GALNTL6: variants seen among roughly 807,000 people sequenced by gnomAD.
GALNTL6 encodes polypeptide N-acetylgalactosaminyltransferase-like 6.
A neutral mutation model predicts 73.7 loss-of-function variants in GALNTL6; 46 were observed. The ratio of observed to expected loss-of-function variants is 0.62; its 90% CI spans 0.49 to 0.80. GALNTL6 has a LOEUF of 0.80. Ranked by LOEUF, GALNTL6 falls within the 30% of genes least tolerant of loss-of-function variation. The pLI is 0.00. For missense variants in GALNTL6, 604 were observed against 755.0 expected (o/e 0.80, Z 2.34); for synonymous variants, 259 against 263.7 (o/e 0.98, Z 0.17).
intron 5 of GALNTL6, among the ~76,000 whole-genome samples, chr4:172,357,662 C>CACACAT (rs1742210980): frequency 2.9e-5 from 1 of 33,902 alleles, no homozygotes; most frequent in Non-Finnish European, 7.3e-5. Flanking sequence ...CACACACACA[C>CACACAT]ACACACGGAA....
chr4:172,811,813 T>G (rs1374379363), intron 6 of GALNTL6, among the ~76,000 whole-genome samples: 2 of 152,224 alleles, frequency 1.3e-5, no homozygotes, highest in Admixed American at 6.5e-5. Context: ...TTTTCCAATC[T>G]CATTTATCAC....
chr4:171,943,146 C>G (rs1417836555), intron 2 of GALNTL6, among the ~76,000 whole-genome samples: 1 of 152,120 alleles, frequency 6.6e-6, no homozygotes, highest in African/African-American at 2.4e-5. Context: ...AAAACAATGG[C>G]ATTAAATTCA....
chr4:172,700,121 A>C (rs1204862827), intron 5 of GALNTL6, among the ~76,000 whole-genome samples: 2 of 152,210 alleles, frequency 1.3e-5, no homozygotes, highest in Non-Finnish European at 2.9e-5. Context: ...TATTTATTGA[A>C]TATAATACAG....
intron 3 of GALNTL6, among the ~76,000 whole-genome samples, chr4:172,292,155 A>G (rs1417103955): frequency 6.6e-6 from 1 of 152,152 alleles, no homozygotes; most frequent in Admixed American, 6.5e-5. Flanking sequence ...GTTCATCACA[A>G]TCATTACACC....
intron 2 of GALNTL6, among the ~76,000 whole-genome samples, chr4:172,053,122 T>C (rs75036616): frequency 6.6e-6 from 1 of 152,276 alleles, no homozygotes; most frequent in East Asian, 1.9e-4. Context: ...ATAAATGAAC[T>C]CACGTCTAAT....
intron 5 of GALNTL6, among the ~76,000 whole-genome samples, chr4:172,673,787 T>C (rs1732126474): frequency 6.6e-6 from 1 of 152,206 alleles, no homozygotes; most frequent in Admixed American, 6.5e-5. Context: ...AAACTATTAT[T>C]GAAACCCATG....
intron 5 of GALNTL6, among the ~76,000 whole-genome samples, chr4:172,739,820 GA>G (rs932353436): frequency 6.6e-6 from 1 of 151,414 alleles, no homozygotes; most frequent in Non-Finnish European, 1.5e-5. Context: ...AGCTGTAGCT[GA>G]AAAAAAGAAA....
chr4:171,828,770 A>T (rs536929698), intron 2 of GALNTL6, among the ~76,000 whole-genome samples: 19 of 152,180 alleles, frequency 1.2e-4, no homozygotes, highest in African/African-American at 4.6e-4. Context: ...CTACAGGCAC[A>T]TGCTACTGGG....
At chr4:172,722,128 C>A (rs1735517725) in intron 5 of GALNTL6, among the ~76,000 whole-genome samples, 1 of 151,774 alleles carries the variant, frequency 6.6e-6, no homozygotes, top group Non-Finnish European at 1.5e-5. Context: ...AACCAAACCC[C>A]AGTTGTGTTA....
At chr4:172,062,560 T>C (rs554421375) in intron 2 of GALNTL6, among the ~76,000 whole-genome samples, 27 of 152,288 alleles carry the variant, frequency 1.8e-4, no homozygotes, top group African/African-American at 6.3e-4. Flanking sequence ...TGAAAGAAGG[T>C]TGGTCGTGAA....
chr4:172,986,098 G>A (rs369937308), intron 10 of GALNTL6, among the ~76,000 whole-genome samples: 2 of 152,338 alleles, frequency 1.3e-5, no homozygotes, highest in African/African-American at 4.8e-5. Flanking sequence ...CAGCTTGGAG[G>A]TTAGAAGCAA....
At chr4:172,142,702 C>T (rs757370809) in intron 2 of GALNTL6, among the ~76,000 whole-genome samples, 22 of 151,716 alleles carry the variant, frequency 1.5e-4, no homozygotes, top group Admixed American at 4.6e-4. Flanking sequence ...AAAAGTAATT[C>T]TGCCTGTCTT....
At chr4:172,206,856 C>G (rs562368034) in intron 2 of GALNTL6, among the ~76,000 whole-genome samples, 1 of 117,386 alleles carries the variant, frequency 8.5e-6, no homozygotes, top group Admixed American at 1.1e-4. Context: ...CTCACTCTGT[C>G]GCCCAGGCTG....
intron 2 of GALNTL6, among the ~76,000 whole-genome samples, chr4:171,835,265 C>G (rs184496737): frequency 6.6e-6 from 1 of 151,666 alleles, no homozygotes; most frequent in Non-Finnish European, 1.5e-5. Context: ...AAATTTGTTT[C>G]TAAGGTCAAG....
At chr4:171,968,051 C>T (rs1342798136) in intron 2 of GALNTL6, among the ~76,000 whole-genome samples, 2 of 152,142 alleles carry the variant, frequency 1.3e-5, no homozygotes, top group East Asian at 3.9e-4. Context: ...TCTGATTCTA[C>T]TCCTTATTAC....
intron 5 of GALNTL6, among the ~76,000 whole-genome samples, chr4:172,665,701 CCT>C (rs2111191094): frequency 6.6e-6 from 1 of 152,178 alleles, no homozygotes; most frequent in Admixed American, 6.5e-5. Flanking sequence ...GACTATTTTG[CCT>C]ATCATAAGAT....
chr4:173,003,277 G>C (rs879711437), intron 10 of GALNTL6, among the ~76,000 whole-genome samples: 6 of 152,124 alleles, frequency 3.9e-5, no homozygotes, highest in Non-Finnish European at 5.9e-5. Flanking sequence ...GAGGGGTAGG[G>C]AGGTGGGTAT....
chr4:172,363,648 T>A (rs1742455902), intron 5 of GALNTL6, among the ~76,000 whole-genome samples: 1 of 152,174 alleles, frequency 6.6e-6, no homozygotes, highest in South Asian at 2.1e-4. Context: ...CTATCTTTAC[T>A]ACCAATTAAC....
intron 5 of GALNTL6, among the ~76,000 whole-genome samples, chr4:172,437,029 T>C (rs1731656813): frequency 6.6e-6 from 1 of 152,062 alleles, no homozygotes; most frequent in Non-Finnish European, 1.5e-5. Context: ...TTTGCACATA[T>C]ATATAAACAC....
Sources: gnomAD v4.1 joint callset for allele counts (sites outside exome capture counted in the v4.1 genomes callset) on GRCh38, gnomAD v4.1.1 for gene constraint, MANE v1.5 for transcripts, NCBI Gene and HGNC (gene_info 2026-07-23, HGNC 2026-07-21) for gene names.